Variants in CDC42BPA observed in about 807,000 individuals in gnomAD.
The protein encoded by CDC42BPA is CDC42 binding protein kinase alpha.
In CDC42BPA, 80 loss-of-function variants were observed where a neutral mutation model predicts 223.5. That is an observed-to-expected ratio of 0.36 (90% CI 0.30 to 0.43). CDC42BPA has a LOEUF of 0.43. CDC42BPA is among the 20% of genes least tolerant of loss of function. CDC42BPA has a pLI of 1.00. For missense variants in CDC42BPA, 1,743 were observed against 2,099.9 expected, an observed-to-expected ratio of 0.83 and a Z score of 3.32; for synonymous variants, 694 against 718.6, an observed-to-expected ratio of 0.97 and a Z score of 0.55.
chr1:227,130,713 C>A (rs142802436), intron 10 of CDC42BPA, among the ~76,000 whole-genome samples: 2 of 151,920 alleles, frequency 1.3e-5, no homozygotes, highest in Non-Finnish European at 2.9e-5. Context: ...AAATTAGCCA[C>A]GCATGGTGGT....
intron 1 of CDC42BPA, among the ~76,000 whole-genome samples, chr1:227,297,963 C>CATAT (rs1553440424): frequency 7.2e-6 from 1 of 138,130 alleles, no homozygotes; most frequent in African/African-American, 2.7e-5. Flanking sequence ...TGTATATATA[C>CATAT]ATATACACAC....
At chr1:227,018,653 C>CT (rs141886308) in intron 32 of CDC42BPA, among the ~76,000 whole-genome samples, 3,261 of 152,240 alleles carry the variant, frequency 0.021, 128 homozygotes, top group African/African-American at 0.075. Context: ...TGGAGTTCCT[C>CT]TAAGAAACAG....
intron 22 of CDC42BPA, among the ~76,000 whole-genome samples, chr1:227,048,753 GA>G (rs34655609): frequency 1.2e-3 from 130 of 112,522 alleles, no homozygotes; most frequent in African/African-American, 3.4e-3. Context: ...AAAGTAGTGA[GA>G]AAAAAAAAAA....
intron 11 of CDC42BPA, among the ~76,000 whole-genome samples, chr1:227,120,171 GAA>G (rs75557950): frequency 7.9e-6 from 1 of 126,282 alleles, no homozygotes; most frequent in African/African-American, 2.9e-5. Flanking sequence ...TACTCATTAG[GAA>G]AAAAAAAAAA....
intron 21 of CDC42BPA, among the ~76,000 whole-genome samples, chr1:227,056,519 C>G (rs542391148): frequency 2.0e-5 from 3 of 152,186 alleles, no homozygotes; most frequent in African/African-American, 7.2e-5. Flanking sequence ...TCTAGAGTAG[C>G]TGTGAACACA....
intron 1 of CDC42BPA, among the ~76,000 whole-genome samples, chr1:227,263,708 A>C (rs565248173): frequency 6.6e-6 from 1 of 151,956 alleles, no homozygotes; most frequent in South Asian, 2.1e-4. Context: ...CAGGCTCCCA[A>C]GTAGCTGGGA....
chr1:227,093,825 T>C (rs905469593), intron 15 of CDC42BPA, among the ~76,000 whole-genome samples: 1 of 152,190 alleles, frequency 6.6e-6, no homozygotes, highest in Non-Finnish European at 1.5e-5. Flanking sequence ...TTGGACAACA[T>C]ATTGGAACCT....
In CDC42BPA at chr1:227,168,738, C is replaced by T. The variant is rs901432462; in HGVS notation, c.600-8102G>A. Among the ~76,000 whole-genome samples, 4 of 152,010 alleles carry T rather than the reference C, an allele frequency of 2.6e-5. No homozygotes were observed. The East Asian group carries it at 7.7e-4, about 29-fold the overall frequency. On this transcript the variant is annotated intron_variant, in intron 5 of 36. Transcript: ENST00000366766. ...GGTCTCGATCTCCTGACCTCGTGATCCATCCGCCTCGGCCTCCCAAAGTGC... is the reference window on the plus strand; with the variant it reads ...GGTCTCGATCTCCTGACCTCGTGATTCATCCGCCTCGGCCTCCCAAAGTGC...
chr1:227,271,385 G>A (rs1475890721), intron 1 of CDC42BPA, among the ~76,000 whole-genome samples: 1 of 151,974 alleles, frequency 6.6e-6, no homozygotes, highest in African/African-American at 2.4e-5. Context: ...TAAACACTGG[G>A]CAAAAATATT....
chr1:227,170,661 T>C (rs983180016), intron 5 of CDC42BPA, among the ~76,000 whole-genome samples: 1 of 152,164 alleles, frequency 6.6e-6, no homozygotes, highest in East Asian at 1.9e-4. Flanking sequence ...GAGAACTTCA[T>C]ATGCATTGAA....
intron 9 of CDC42BPA, among the ~76,000 whole-genome samples, chr1:227,140,211 A>C (rs963904419): frequency 2.0e-5 from 3 of 152,216 alleles, no homozygotes; most frequent in African/African-American, 4.8e-5. Context: ...TTTGGTGGTG[A>C]ACAAAACAGA....
rs562015270 is a variant in CDC42BPA at position 227,316,976 on chromosome 1, AAC to A, written c.178+27_178+28del. On this transcript the variant is annotated intron_variant, in intron 1 of 36. Transcript: ENST00000366766. ...AAATCATAATGACCAGCTAAAGATTAACAGTTTCTTTAAAAATTACAAACTTA... is the reference window on the plus strand; with the variant it reads ...AAATCATAATGACCAGCTAAAGATTAAGTTTCTTTAAAAATTACAAACTTA... The A allele has an allele frequency of 7.2e-5, 110 of 1,529,156 alleles. No homozygotes were observed. In the African/African-American group the frequency reaches 1.1e-3, roughly 16 times the overall value. 94.7% of individuals were successfully genotyped at this position (1,529,156 alleles called of 1,614,324 possible). A position where few individuals can be genotyped will look rare whatever the true frequency, so the allele number is the denominator to read the frequency against.
At chr1:227,177,092 C>T (rs566632699) in intron 5 of CDC42BPA, among the ~76,000 whole-genome samples, 10 of 146,444 alleles carry the variant, frequency 6.8e-5, no homozygotes, top group Non-Finnish European at 1.5e-4. Context: ...CAAAAAACAA[C>T]TTTTACTTTA....
At chr1:227,028,121 C>CAAA (rs10634100) in intron 30 of CDC42BPA, among the ~76,000 whole-genome samples, 6 of 140,326 alleles carry the variant, frequency 4.3e-5, no homozygotes, top group Admixed American at 7.1e-5. Flanking sequence ...CTCCATCTCT[C>CAAA]AAAAAAAAAA....
At chr1:227,286,349 C>T (rs969960427) in intron 1 of CDC42BPA, among the ~76,000 whole-genome samples, 1 of 152,190 alleles carries the variant, frequency 6.6e-6, no homozygotes, top group African/African-American at 2.4e-5. Context: ...CTCTTAAGAT[C>T]AGCCTTTCAC....
chr1:227,316,098 A>C (rs34125608), intron 1 of CDC42BPA, among the ~76,000 whole-genome samples: 11 of 152,238 alleles, frequency 7.2e-5, no homozygotes, highest in Non-Finnish European at 1.5e-4. Context: ...GTACAAAATC[A>C]TATTTGGCCA....
Position 227,149,994 on chromosome 1 carries a change from C to T in CDC42BPA, c.694-2435G>A, listed in dbSNP as rs537414648. 2.3e-4 allele frequency among the ~76,000 whole-genome samples: 35 copies of T among 152,094 alleles called. 1 individual carries two copies. The highest frequency in any genetic ancestry group is 4.2e-4 in the South Asian group (2 of 4,814). ...ATCCCACCACTTTGGGAAGCTGAGG[C>T]GGGTGTTTCACTTGAGCTCAGAAGT... On this transcript the variant is annotated intron_variant, in intron 6 of 36. Coordinates refer to ENST00000366766, the MANE Select transcript of CDC42BPA (RefSeq NM_001394014.1).
chr1:227,092,549 T>G (rs1683276929), intron 15 of CDC42BPA, among the ~76,000 whole-genome samples: 2 of 152,224 alleles, frequency 1.3e-5, no homozygotes, highest in South Asian at 4.1e-4. Flanking sequence ...TTTGTGTATT[T>G]CCACCACAAT....
chr1:227,197,521 A>G (rs2150191406), intron 4 of CDC42BPA, among the ~76,000 whole-genome samples: 1 of 152,268 alleles, frequency 6.6e-6, no homozygotes, highest in East Asian at 1.9e-4. Flanking sequence ...AGAAATGTTA[A>G]TCCTAATGTC....
Sources: gnomAD v4.1 joint callset for allele counts (sites outside exome capture counted in the v4.1 genomes callset) on GRCh38, gnomAD v4.1.1 for gene constraint, MANE v1.5 for transcripts, NCBI Gene and HGNC (gene_info 2026-07-23, HGNC 2026-07-21) for gene names.